Variants in FAM83B observed in about 807,000 individuals in gnomAD.
The protein encoded by FAM83B is scaffolding CK1 anchoring protein B, also known as protein FAM83B.
Under a neutral mutation model 38.8 loss-of-function variants are expected in FAM83B, and 26 were observed. That is an observed-to-expected ratio of 0.67 (90% CI 0.49 to 0.93). The LOEUF is 0.93. Among genes scored for constraint, FAM83B ranks in the 40% least tolerant of loss-of-function variants. FAM83B has a pLI of 0.00. For missense variants in FAM83B, 1,237 were observed against 1,197.3 expected (o/e 1.03, Z -0.49); for synonymous variants, 419 against 423.1 (o/e 0.99, Z 0.12).
chr6:54,907,638 T>TA (rs1216163443), intron 2 of FAM83B, among the ~76,000 whole-genome samples: 1 of 143,540 alleles, frequency 7.0e-6, no homozygotes, highest in Non-Finnish European at 1.5e-5. Flanking sequence ...GATTTTTTTT[T>TA]AAAAAACAGT....
At position 54,870,452 on chromosome 6, in the gene FAM83B, A is replaced by G. The variant is rs769047828; in HGVS notation, c.206A>G (p.Gln69Arg). ...EEINYILKNV[Q>R]KVAQSTAHGT... is the part of the protein sequence containing the mutation. ...ATTAATTATATTTTGAAAAATGTCCAGAAAGTTGCACAAAGCACAGCACAT... is the reference window on the plus strand; with the variant it reads ...ATTAATTATATTTTGAAAAATGTCCGGAAAGTTGCACAAAGCACAGCACAT... The change falls in exon 2 of 5, where the codon CAG (glutamine) becomes CGG (arginine). Residue 69 changes from glutamine to arginine, a missense_variant. Transcript: ENST00000306858. 3.1e-6 allele frequency: 5 copies of G among 1,614,074 alleles called. No individual in the cohort carries two copies. The highest frequency in any genetic ancestry group is 4.2e-6 in the Non-Finnish European group (5 of 1,179,962).
upstream of FAM83B, chr6:54,846,711 G>A (rs370430415): frequency 1.3e-5 from 2 of 152,194 alleles, no homozygotes; most frequent in Admixed American, 6.5e-5. Context: ...CCTGACGCTG[G>A]GCAGGTAACT....
chr6:54,898,021 A>G (rs1214361845), intron 2 of FAM83B, among the ~76,000 whole-genome samples: 1 of 152,204 alleles, frequency 6.6e-6, no homozygotes, highest in Non-Finnish European at 1.5e-5. Flanking sequence ...TTTTGGTTGT[A>G]TATAACTAAT....
At chr6:54,896,066 A>T (rs1330735280) in intron 2 of FAM83B, among the ~76,000 whole-genome samples, 1 of 151,894 alleles carries the variant, frequency 6.6e-6, no homozygotes, top group Non-Finnish European at 1.5e-5. Flanking sequence ...TAATTTTTGT[A>T]TTTTTAGTAG....
At chr6:54,895,888 G>T (rs9382396) in intron 2 of FAM83B, among the ~76,000 whole-genome samples, 53,622 of 151,378 alleles carry the variant, frequency 0.35, 10,517 homozygotes, top group East Asian at 0.82. Context: ...TTACCTTTTT[G>T]TTTTGTTTTG....
intron 2 of FAM83B, among the ~76,000 whole-genome samples, chr6:54,912,983 CTACTT>C (rs1411976798): frequency 5.3e-5 from 8 of 151,942 alleles, no homozygotes. Flanking sequence ...TTGACTATAA[CTACTT>C]TACATTTAAG....
Position 54,940,118 on chromosome 6 carries a change from A to C in FAM83B, c.1147A>C (p.Asn383His). ...RQFQPNQINENWKRHSYAGEQ... is the reference protein window; with the variant it reads ...RQFQPNQINEHWKRHSYAGEQ... ...GTTTCAACCCAATCAGATAAATGAA[A>C]ATTGGAAAAGGCATAGTTATGCTGG... Residue 383 changes from asparagine (N) to histidine (H), a missense_variant, in exon 5 of 5, where the codon AAT becomes CAT. Asn to His is a moderately conservative substitution (Grantham distance 68). Transcript: ENST00000306858. 1 of 1,614,154 alleles carries C rather than the reference A, an allele frequency of 6.2e-7. No homozygotes were observed. The highest frequency in any genetic ancestry group is 8.5e-7 in the Non-Finnish European group (1 of 1,180,034).
chr6:54,932,167 C>T (rs1446287320), intron 4 of FAM83B, among the ~76,000 whole-genome samples: 7 of 151,876 alleles, frequency 4.6e-5, no homozygotes, highest in East Asian at 1.9e-4. Context: ...TGCACCACCA[C>T]GCCTGGGTAA....
At chr6:54,865,275 T>C (rs1771672439) in intron 1 of FAM83B, among the ~76,000 whole-genome samples, 1 of 152,164 alleles carries the variant, frequency 6.6e-6, no homozygotes, top group African/African-American at 2.4e-5. Flanking sequence ...TTATCTCTGT[T>C]CTTGTAGGCA....
chr6:54,847,214 GAGACCGCTGGGAAAAGTCTCGTGGGAGGA>G (rs377373180), intron 1 of FAM83B, among the ~76,000 whole-genome samples: 4,083 of 151,722 alleles, frequency 0.027, 174 homozygotes, highest in African/African-American at 0.093. Flanking sequence ...AGCGGGAGGA[GAGACCGCTGGGAAAAGTCTCGTGGGAGGA>G]AGTCCAGGGT....
In FAM83B at chr6:54,940,678, T is replaced by C; in HGVS notation, c.1707T>C (p.Ile569=). 6.2e-7 allele frequency: 1 copy of C among 1,614,012 alleles called. No homozygotes were observed. The highest frequency in any genetic ancestry group is 8.5e-7 in the Non-Finnish European group (1 of 1,180,006). The change falls in exon 5 of 5, where the codon ATT becomes ATC. Residue 569 remains isoleucine (I), a synonymous_variant. Coordinates refer to ENST00000306858, the MANE Select transcript of FAM83B (RefSeq NM_001010872.3). ...CTTGSSNSTI[I]GSQGSETPKE... ...CTGGCTCCTCAAATTCAACTATCAT[T>C]GGTTCTCAGGGAAGTGAGACACCTA...
chr6:54,937,211 T>G (rs1430739516), intron 4 of FAM83B, among the ~76,000 whole-genome samples: 3 of 151,874 alleles, frequency 2.0e-5, no homozygotes, highest in African/African-American at 7.3e-5. Flanking sequence ...AGCAATTCAT[T>G]TATTTTTCAG....
At chr6:54,934,443 A>C (rs767780473) in intron 4 of FAM83B, among the ~76,000 whole-genome samples, 1 of 152,142 alleles carries the variant, frequency 6.6e-6, no homozygotes, top group Non-Finnish European at 1.5e-5. Context: ...ATCCCCGACT[A>C]TCAATATAAA....
At chr6:54,927,404 A>C (rs967111100) in intron 3 of FAM83B, 104 bp from the exon 4 acceptor site, 11 of 898,042 alleles carry the variant, frequency 1.2e-5, no homozygotes, top group Non-Finnish European at 1.6e-5. Flanking sequence ...AATTACCTTA[A>C]GTAAATTTTT....
At position 54,870,360 on chromosome 6, in the gene FAM83B, C is replaced by T. The variant is rs1233545285; in HGVS notation, c.114C>T (p.His38=). 12 of 1,613,828 alleles carry T rather than the reference C, an allele frequency of 7.4e-6. No individual in the cohort carries two copies. Among genetic ancestry groups the T allele is most frequent in the East Asian group, 2.2e-5 (1 of 44,880 alleles). The part of the protein sequence containing the change: ...YRVAIDILIE[H]GLEAYQEFLV... ...TAGCCATTGATATTCTGATTGAACACGGGTTAGAAGCATACCAAGAATTTC... is the reference window on the plus strand; with the variant it reads ...TAGCCATTGATATTCTGATTGAACATGGGTTAGAAGCATACCAAGAATTTC... The change falls in exon 2 of 5, where the codon CAC becomes CAT. Residue 38 remains histidine, a synonymous_variant. Coordinates refer to ENST00000306858, the MANE Select transcript of FAM83B (RefSeq NM_001010872.3).
In FAM83B at chr6:54,883,150, A is replaced by G. The variant is rs185950609; in HGVS notation, c.444+12460A>G. On this transcript the variant is annotated intron_variant, in intron 2 of 4. Transcript: ENST00000306858. The stretch of plus-strand genomic sequence containing the variant: ...TAGTAGAGACTGGTTTCACCGTGTT[A>G]GCCAGGATGGTCTCTATCTCCTGAC... 2.6e-4 allele frequency among the ~76,000 whole-genome samples: 40 copies of G among 151,918 alleles called. 1 individual carries two copies. Among genetic ancestry groups the G allele is most frequent in the South Asian group, 6.2e-4 (3 of 4,820 alleles).
At chr6:54,853,694 A>G (rs190151942) in intron 1 of FAM83B, among the ~76,000 whole-genome samples, 22 of 152,334 alleles carry the variant, frequency 1.4e-4, no homozygotes, top group African/African-American at 5.3e-4. Flanking sequence ...GCACCTGGTC[A>G]CCTAAGAGAT....
intron 4 of FAM83B, among the ~76,000 whole-genome samples, chr6:54,932,046 T>C (rs1773432775): frequency 6.6e-6 from 1 of 150,978 alleles, no homozygotes; most frequent in Non-Finnish European, 1.5e-5. Flanking sequence ...GTTTCACTTT[T>C]GTTGCCCAAG....
chr6:54,918,444 TG>T (rs1773095265), intron 2 of FAM83B, among the ~76,000 whole-genome samples: 2 of 152,230 alleles, frequency 1.3e-5, no homozygotes, highest in African/African-American at 4.8e-5. Context: ...GAGGTTTAAT[TG>T]ACTCAGAGTT....
Sources: gnomAD v4.1 joint callset for allele counts (sites outside exome capture counted in the v4.1 genomes callset) on GRCh38, gnomAD v4.1.1 for gene constraint, MANE v1.5 for transcripts, NCBI Gene and HGNC (gene_info 2026-07-23, HGNC 2026-07-21) for gene names.